The following ARHGAP42 variants were observed in gnomAD, a reference collection of about 807,000 sequenced individuals.
ARHGAP42 encodes rho GTPase-activating protein 42.
A neutral mutation model predicts 125.0 loss-of-function variants in ARHGAP42; 63 were observed. That is an observed-to-expected ratio of 0.50 (90% CI 0.41 to 0.62). The LOEUF (loss-of-function observed/expected upper bound fraction) is 0.62, where lower values mean the gene tolerates loss of function less well. ARHGAP42 is among the 20% of genes least tolerant of loss of function. ARHGAP42 has a pLI of 0.00. For missense variants in ARHGAP42, 766 were observed against 1,024.2 expected (o/e 0.75, Z 3.44); for synonymous variants, 339 against 351.0 (o/e 0.97, Z 0.38).
rs1246290368 is a variant in ARHGAP42 at position 100,990,844 on chromosome 11, T to G, written c.*2043T>G. The stretch of plus-strand genomic sequence containing the variant: ...ATTGGTTTTCTTTCAAAGACCAACT[T>G]GACTCCAAAGAGAGATTCAGAATCC... On this transcript the variant is annotated 3_prime_UTR_variant, in exon 24 of 24. Transcript: ENST00000298815. 3 of 152,496 alleles carry G rather than the reference T, an allele frequency of 2.0e-5. No individual in the cohort carries two copies. The highest frequency in any genetic ancestry group is 4.8e-5 in the African/African-American group (2 of 41,456). 9.4% of individuals were successfully genotyped at this position (152,496 alleles called of 1,614,324 possible). A position where few individuals can be genotyped will look rare whatever the true frequency, so the allele number is the denominator to read the frequency against.
intron 1 of ARHGAP42, among the ~76,000 whole-genome samples, chr11:100,699,479 T>TGA (rs1861353307): frequency 1.5e-5 from 1 of 67,992 alleles, no homozygotes; most frequent in African/African-American, 6.5e-5. Flanking sequence ...AATTTATTCA[T>TGA]GTATATATAT....
rs1000162137 is a variant in ARHGAP42, at chr11:100,979,048, C to T, written c.2455C>T (p.Arg819Cys). The T allele has an allele frequency of 3.1e-5, 48 of 1,551,390 alleles. No individual in the cohort carries two copies. The highest frequency in any genetic ancestry group is 2.7e-4 in the African/African-American group (20 of 73,088). The change falls in exon 22 of 24, where the codon CGC becomes TGC. Residue 819 changes from arginine (R) to cysteine (C), a missense_variant and splice_region_variant. Coordinates refer to ENST00000298815, the MANE Select transcript of ARHGAP42 (RefSeq NM_152432.4). ...TTCACCTAAACCAGTTTCTTCTGGGCGGTAAGTTCTCCAAACCCTTAAATG... is the reference window on the plus strand; with the variant it reads ...TTCACCTAAACCAGTTTCTTCTGGGTGGTAAGTTCTCCAAACCCTTAAATG... ...VGSPKPVSSG[R>C]QAKAMYSCKA...
chr11:100,793,026 T>A (rs935129835), intron 2 of ARHGAP42, among the ~76,000 whole-genome samples: 2 of 152,142 alleles, frequency 1.3e-5, no homozygotes, highest in Non-Finnish European at 2.9e-5. Flanking sequence ...AGTGCTGGGA[T>A]TACAGGCGTG....
chr11:100,941,784 G>T lies in ARHGAP42; in HGVS notation c.833G>T (p.Arg278Leu). ...MEGYLYVQEKRPLGFTWIKHY... is the reference protein window; with the variant it reads ...MEGYLYVQEKLPLGFTWIKHY... ...AAATTTTTTTGTTTCCTTACATTAG[G>T]ACCGCTTGGTTTTACATGGATTAAA... Residue 278 changes from arginine (R) to leucine (L), a missense_variant and splice_region_variant, in exon 9 of 24, where the codon CGA (arginine) becomes CTA (leucine). By Grantham distance (102) the Arg-to-Leu change is moderately radical. Transcript: ENST00000298815. 6.7e-7 allele frequency: 1 copy of T among 1,502,230 alleles called. No individual in the cohort carries two copies. Among genetic ancestry groups the T allele is most frequent in the South Asian group, 1.3e-5 (1 of 75,828 alleles). The allele number at this position is 1,502,230 out of a possible 1,614,324, so 93.1% of individuals were successfully genotyped here. A position where few individuals can be genotyped will look rare whatever the true frequency, so the allele number is the denominator to read the frequency against.
At chr11:100,782,472 G>A (rs559203517) in intron 2 of ARHGAP42, among the ~76,000 whole-genome samples, 7 of 152,282 alleles carry the variant, frequency 4.6e-5, no homozygotes, top group African/African-American at 1.7e-4. Flanking sequence ...GCAGAATATA[G>A]ACAATCAGAA....
intron 17 of ARHGAP42, among the ~76,000 whole-genome samples, chr11:100,968,662 C>A (rs190925659): frequency 1.6e-4 from 25 of 152,182 alleles, no homozygotes; most frequent in African/African-American, 6.0e-4. Flanking sequence ...TATTAACCTT[C>A]TTACTTACCA....
chr11:100,727,206 C>T (rs969397599), intron 1 of ARHGAP42, among the ~76,000 whole-genome samples: 1 of 152,198 alleles, frequency 6.6e-6, no homozygotes, highest in Admixed American at 6.5e-5. Context: ...ATTTAATGCA[C>T]TTGCACTTTG....
chr11:100,933,286 C>G, intron 7 of ARHGAP42, 26 bp downstream of exon 7: 1 of 1,459,252 alleles, frequency 6.9e-7, no homozygotes, highest in South Asian at 1.3e-5. Flanking sequence ...TTCTTACTGT[C>G]TCTCAGCAAA....
chr11:100,834,857 T>TC (rs1864746928), intron 3 of ARHGAP42, among the ~76,000 whole-genome samples: 1 of 150,676 alleles, frequency 6.6e-6, no homozygotes, highest in South Asian at 2.1e-4. Context: ...TTTTTTTTTT[T>TC]CTTTGTTTTT....
intron 4 of ARHGAP42, among the ~76,000 whole-genome samples, chr11:100,879,527 C>T (rs1257711393): frequency 6.6e-6 from 1 of 152,174 alleles, no homozygotes; most frequent in African/African-American, 2.4e-5. Flanking sequence ...AAAGATAGTA[C>T]TCATCAGTGT....
rs542709875 is a variant in ARHGAP42, at chr11:100,961,702, A to T, written c.1319A>T (p.Asp440Val). Residue 440 changes from aspartate (D) to valine (V), a missense_variant, in exon 15 of 24, where the codon GAT (aspartate) becomes GTT (valine). This residue lies in a region of ARHGAP42 where 455 missense variants were observed against 636.5 expected (regional missense o/e 0.71). Coordinates refer to ENST00000298815, the MANE Select transcript of ARHGAP42 (RefSeq NM_152432.4). ...NTTFSPKSPP[D>V]IDIDIELWDN... ...TTTCCAGCTCCTAAATCCCCTCCTG[A>T]TATTGATATTGATATTGAACTGTGG... is the stretch of plus-strand genomic sequence containing the variant. 11 of 1,550,634 alleles carry T rather than the reference A, an allele frequency of 7.1e-6. No individual in the cohort carries two copies. The highest frequency in any genetic ancestry group is 9.6e-6 in the Non-Finnish European group (11 of 1,146,210).
chr11:100,779,463 A>ATAT (rs1420784707), intron 2 of ARHGAP42, among the ~76,000 whole-genome samples: 34 of 80,296 alleles, frequency 4.2e-4, no homozygotes, highest in Non-Finnish European at 8.2e-4. Context: ...AAAAAAAAAA[A>ATAT]AAAAATATAT....
chr11:100,698,244 G>A (rs1286739235), intron 1 of ARHGAP42, among the ~76,000 whole-genome samples: 1 of 152,092 alleles, frequency 6.6e-6, no homozygotes, highest in Non-Finnish European at 1.5e-5. Context: ...GGCTGAGGTG[G>A]GAGCATCATT....
chr11:100,893,601 C>T (rs1206735991), intron 4 of ARHGAP42, among the ~76,000 whole-genome samples: 1 of 152,034 alleles, frequency 6.6e-6, no homozygotes, highest in Non-Finnish European at 1.5e-5. Context: ...CAACATAAAA[C>T]TGAATTGCAT....
intron 3 of ARHGAP42, among the ~76,000 whole-genome samples, chr11:100,850,281 C>T (rs935640918): frequency 1.6e-4 from 25 of 152,096 alleles, no homozygotes; most frequent in African/African-American, 5.8e-4. Flanking sequence ...TACGTGGTTC[C>T]ACTGTAACTT....
At chr11:100,853,534 C>G (rs1453682218) in intron 3 of ARHGAP42, among the ~76,000 whole-genome samples, 1 of 152,062 alleles carries the variant, frequency 6.6e-6, no homozygotes, top group East Asian at 1.9e-4. Flanking sequence ...GTTCAAATAA[C>G]TTAGTACACA....
intron 1 of ARHGAP42, among the ~76,000 whole-genome samples, chr11:100,729,705 C>A (rs1389189789): frequency 1.3e-5 from 2 of 152,010 alleles, no homozygotes; most frequent in African/African-American, 2.4e-5. Context: ...TGTTATACTA[C>A]AGCAGAGTCT....
intron 14 of ARHGAP42, among the ~76,000 whole-genome samples, chr11:100,961,268 C>T (rs1695947172): frequency 6.6e-6 from 1 of 152,072 alleles, no homozygotes; most frequent in Non-Finnish European, 1.5e-5. Flanking sequence ...AATCCTAGCT[C>T]AGCCACTTAC....
chr11:100,744,508 A>T (rs1862254259), intron 1 of ARHGAP42, among the ~76,000 whole-genome samples: 2 of 149,114 alleles, frequency 1.3e-5, no homozygotes, highest in African/African-American at 2.5e-5. Context: ...ATTACTTCTA[A>T]TTATTCTTGA....
Sources: allele counts gnomAD v4.1 joint callset (sites outside exome capture counted in the v4.1 genomes callset), GRCh38; gene constraint gnomAD v4.1.1; regional missense constraint gnomAD v4.1.1; transcripts MANE v1.5; gene names NCBI Gene and HGNC (gene_info 2026-07-23, HGNC 2026-07-21).